Variants in UCHL5 observed in about 807,000 individuals in gnomAD.
The protein encoded by UCHL5 is ubiquitin C-terminal hydrolase L5, also known as ubiquitin carboxyl-terminal hydrolase isozyme L5.
UCHL5 carries 34 observed loss-of-function variants against 53.8 expected under a neutral mutation model. That is an observed-to-expected ratio of 0.63 (90% CI 0.48 to 0.84). UCHL5 has a LOEUF of 0.84. UCHL5 is among the 40% of genes least tolerant of loss of function. The probability of loss-of-function intolerance (pLI) is 0.00; values close to 1 mark genes in which losing one functional copy is unlikely to be tolerated. For synonymous variants in UCHL5, 111 were observed against 126.3 expected, an observed-to-expected ratio of 0.88 and a Z score of 0.81; for missense variants, 290 against 385.6, an observed-to-expected ratio of 0.75 and a Z score of 2.08.
intron 10 of UCHL5, 59 bp downstream of exon 10, chr1:193,021,038 C>T (rs1353496620): frequency 3.1e-6 from 4 of 1,290,086 alleles, no homozygotes; most frequent in South Asian, 2.7e-5. Flanking sequence ...ATAAAAAATA[C>T]ATTTTATGTT....
intron 3 of UCHL5, among the ~76,000 whole-genome samples, chr1:193,042,085 G>A (rs1457922415): frequency 6.6e-6 from 1 of 150,992 alleles, no homozygotes; most frequent in Admixed American, 6.6e-5. Flanking sequence ...CAGCCTGGGT[G>A]ACAGAGCGAG....
intron 1 of UCHL5, among the ~76,000 whole-genome samples, chr1:193,057,948 T>C (rs140406463): frequency 3.7e-4 from 56 of 152,272 alleles, no homozygotes; most frequent in African/African-American, 1.3e-3. Context: ...TCCCAATCCT[T>C]GGGTGGGCGC....
chr1:193,015,801 C>G lies in UCHL5; in HGVS notation c.*550G>C, dbSNP rs1285707733. The G allele has an allele frequency of 6.6e-6, 1 of 152,040 alleles. No individual in the cohort carries two copies. The highest frequency in any genetic ancestry group is 1.5e-5 in the Non-Finnish European group (1 of 67,948). 9.4% of individuals were successfully genotyped at this position (152,040 alleles called of 1,614,324 possible). A position where few individuals can be genotyped will look rare whatever the true frequency, so the allele number is the denominator to read the frequency against. On this transcript the variant is annotated 3_prime_UTR_variant, in exon 11 of 11. Transcript: ENST00000367454. ...GAGATGTTTATTACTTTTCTACTGA[C>G]AGCAGTGAAAATCACTGGAAATTAT...
chr1:193,023,852 G>C lies in UCHL5; in HGVS notation c.724C>G (p.Leu242Val), dbSNP rs759436892. 1 of 1,611,274 alleles carries C rather than the reference G, an allele frequency of 6.2e-7. No homozygotes were observed. The highest frequency in any genetic ancestry group is 8.5e-7 in the Non-Finnish European group (1 of 1,178,884). ...EQKIAELQRQ[L>V]AEEPMDTDQG... The stretch of plus-strand genomic sequence containing the variant: ...GAAACATGGCCACGAACCTCTGCAA[G>C]TTGTCTTTGTAACTCTGCTATCTTC... Residue 242 changes from leucine to valine, a missense_variant, in exon 8 of 11, where the codon CTT becomes GTT. Physicochemically the swap from Leu to Val is conservative, Grantham distance 32. Transcript: ENST00000367454.
chr1:193,024,731 A>G (rs1658502643), intron 7 of UCHL5, among the ~76,000 whole-genome samples: 1 of 151,878 alleles, frequency 6.6e-6, no homozygotes, highest in Admixed American at 6.6e-5. Flanking sequence ...TAAAAGCATT[A>G]TTCATAACAC....
At chr1:193,027,711 A>C (rs186147670) in intron 7 of UCHL5, among the ~76,000 whole-genome samples, 1 of 152,162 alleles carries the variant, frequency 6.6e-6, no homozygotes, top group African/African-American at 2.4e-5. Flanking sequence ...AAAATAAAAA[A>C]TTATCTAACT....
Position 193,021,145 on chromosome 1 carries a change from C to A in UCHL5, c.894G>T (p.Leu298Phe), listed in dbSNP as rs745929302. The change falls in exon 10 of 11, where the codon TTG (leucine) becomes TTT (phenylalanine). Residue 298 changes from leucine to phenylalanine, a missense_variant. Coordinates refer to ENST00000367454, the MANE Select transcript of UCHL5 (RefSeq NM_001199261.3). ...GCTGGTGTTCTGCTAAAGTCTTTAA[C>A]AATTCCATAATGAAAGGCAGATAAT... ...KHNYLPFIME[L>F]LKTLAEHQQL... 5.0e-6 allele frequency: 8 copies of A among 1,610,724 alleles called. No homozygotes were observed. Among genetic ancestry groups the A allele is most frequent in the Non-Finnish European group, 2.5e-6 (3 of 1,178,260 alleles).
intron 2 of UCHL5, among the ~76,000 whole-genome samples, chr1:193,050,415 G>A (rs1174844191): frequency 6.6e-6 from 1 of 151,892 alleles, no homozygotes; most frequent in Non-Finnish European, 1.5e-5. Flanking sequence ...TATCACAACT[G>A]CCTCCCACCC....
chr1:193,020,208 T>C, intron 10 of UCHL5: 2 of 1,391,310 alleles, frequency 1.4e-6, no homozygotes, highest in Non-Finnish European at 1.9e-6. Context: ...ACTTATTAGC[T>C]CACATCTCAT....
intron 3 of UCHL5, among the ~76,000 whole-genome samples, chr1:193,037,725 C>T (rs895483343): frequency 1.3e-5 from 2 of 151,846 alleles, no homozygotes; most frequent in African/African-American, 4.8e-5. Context: ...AAATCTTCAA[C>T]CAAATAGTAA....
rs1449660761 is a variant in UCHL5 at position 193,030,191 on chromosome 1, T to A, written c.247-534A>T. Among the ~76,000 whole-genome samples the A allele has an allele frequency of 2.6e-5, 4 of 152,190 alleles. No homozygotes were observed. The East Asian group carries it at 7.7e-4, about 29-fold the overall frequency. On this transcript the variant is annotated intron_variant, in intron 3 of 10. Transcript: ENST00000367454. ...CTACAGTCTTTACATTGCTATCATC[T>A]AGCTATAATCATTTAACAAATTATC... is the stretch of plus-strand genomic sequence containing the variant.
In UCHL5 at chr1:193,059,335, A is replaced by G; in HGVS notation, c.-75T>C. 6.2e-7 allele frequency: 1 copy of G among 1,606,738 alleles called. No homozygotes were observed. Among genetic ancestry groups the G allele is most frequent in the South Asian group, 1.1e-5 (1 of 90,358 alleles). ...CCGCACCAGCTGCCGCCGGCCACAG[A>G]TCTCAGCAAACCCGCCGCCGAGCTC... is the stretch of plus-strand genomic sequence containing the variant. On this transcript the variant is annotated 5_prime_UTR_variant, in exon 1 of 11. Transcript: ENST00000367454. The surrounding 1 kb of genome is among the most constrained non-coding windows in gnomAD (Gnocchi z 4.9).
At chr1:193,040,297 CAGG>C (rs1175274650) in intron 3 of UCHL5, among the ~76,000 whole-genome samples, 1 of 152,046 alleles carries the variant, frequency 6.6e-6, no homozygotes, top group Admixed American at 6.6e-5. Context: ...AGCAACTCAA[CAGG>C]AGAAGATAAA....
At chr1:193,059,852 A>C (rs1255272862), upstream of UCHL5, 1 of 1,363,012 alleles carries the variant, frequency 7.3e-7, no homozygotes, top group Non-Finnish European at 9.8e-7. The surrounding 1 kb of genome is among the most constrained non-coding windows in gnomAD (Gnocchi z 4.9). Context: ...CCAGTCCTCC[A>C]TGTCTCTCAC....
intron 3 of UCHL5, among the ~76,000 whole-genome samples, chr1:193,043,396 C>T (rs1666350648): frequency 6.6e-6 from 1 of 152,070 alleles, no homozygotes; most frequent in African/African-American, 2.4e-5. Context: ...ACCTCTCTCC[C>T]CTAGTTAATA....
chr1:193,017,726 A>G (rs1655343199), intron 10 of UCHL5, among the ~76,000 whole-genome samples: 1 of 151,608 alleles, frequency 6.6e-6, no homozygotes, highest in Admixed American at 6.6e-5. Flanking sequence ...AACACATATA[A>G]GGCAGAGTGT....
rs1011209470 is a variant in UCHL5 at position 193,059,360 on chromosome 1, C to G, written c.-100G>C. On this transcript the variant is annotated 5_prime_UTR_variant, in exon 1 of 11. Transcript: ENST00000367454. This position sits in a 1 kb window ranked among gnomAD's most constrained non-coding sequence, Gnocchi z 4.9. ...ATCTCAGCAAACCCGCCGCCGAGCT[C>G]GTCAACCACACGTCACCCCGCCTAC... 1 of 1,606,424 alleles carries G rather than the reference C, an allele frequency of 6.2e-7. No homozygotes were observed. The highest frequency in any genetic ancestry group is 8.5e-7 in the Non-Finnish European group (1 of 1,176,716).
At chr1:193,038,404 G>A (rs1438167517) in intron 3 of UCHL5, among the ~76,000 whole-genome samples, 5 of 148,990 alleles carry the variant, frequency 3.4e-5, no homozygotes, top group Admixed American at 6.7e-5. Flanking sequence ...GCAGTGAGCC[G>A]AGATCGCGCC....
chr1:193,029,636 T>C lies in UCHL5; in HGVS notation c.268A>G (p.Thr90Ala), dbSNP rs748711153. The change falls in exon 4 of 11, where the codon ACT becomes GCT. Residue 90 changes from threonine to alanine, a missense_variant. Thr to Ala is a moderately conservative substitution (Grantham distance 58). Transcript: ENST00000367454. Reference sequence around the variant, plus strand: ...AGTAACACACTCACTATGGCTTGAGTAGCACAAGCATTATTAATTACCTAT... The same window carrying C: ...AGTAACACACTCACTATGGCTTGAGCAGCACAAGCATTATTAATTACCTAT... ...AKQVINNACATQAIVSVLLNC... is the reference protein window; with the variant it reads ...AKQVINNACAAQAIVSVLLNC... 6.2e-7 allele frequency: 1 copy of C among 1,608,812 alleles called. No individual in the cohort carries two copies. Among genetic ancestry groups the C allele is most frequent in the Non-Finnish European group, 8.5e-7 (1 of 1,177,534 alleles).
Sources: gnomAD v4.1 joint callset for allele counts (sites outside exome capture counted in the v4.1 genomes callset) on GRCh38, gnomAD v4.1.1 for gene constraint, Gnocchi (gnomAD v3.1) non-coding constraint, MANE v1.5 for transcripts, NCBI Gene and HGNC (gene_info 2026-07-23, HGNC 2026-07-21) for gene names.